The following GSG1L variants were observed in gnomAD, a reference collection of about 807,000 sequenced individuals.
The protein encoded by GSG1L is germ cell-specific gene 1-like protein.
A neutral mutation model predicts 42.1 loss-of-function variants in GSG1L; 24 were observed. The ratio of observed to expected loss-of-function variants is 0.57; its 90% CI spans 0.41 to 0.80. The LOEUF is 0.80. Among genes scored for constraint, GSG1L ranks in the 30% least tolerant of loss-of-function variants. GSG1L has a pLI of 0.00. For synonymous variants in GSG1L, 215 were observed against 203.5 expected, an observed-to-expected ratio of 1.06 and a Z score of -0.48; for missense variants, 445 against 472.2, an observed-to-expected ratio of 0.94 and a Z score of 0.53.
rs117052451 is a variant in GSG1L, at chr16:27,824,900, C to T, written c.830+3889G>A. ...GTGCTAATGGGGCAGCTTTGGACAT[C>T]TGGCTGCTTATGTGTCTATTGCAAA... On this transcript the variant is annotated intron_variant, in intron 5 of 6. Transcript: ENST00000447459. Among the ~76,000 whole-genome samples the T allele has an allele frequency of 9.1e-3, 1,392 of 152,366 alleles. 9 individuals are homozygous for T. Among genetic ancestry groups the T allele is most frequent in the Non-Finnish European group, 0.011 (776 of 68,036 alleles).
intron 2 of GSG1L, among the ~76,000 whole-genome samples, chr16:27,903,689 C>G (rs1483129694): frequency 6.6e-6 from 1 of 152,142 alleles, no homozygotes; most frequent in African/African-American, 2.4e-5. Flanking sequence ...AATGAGCCAC[C>G]AGGGACCAAA....
chr16:27,998,783 T>C (rs1349886149), intron 1 of GSG1L, among the ~76,000 whole-genome samples: 3 of 151,846 alleles, frequency 2.0e-5, no homozygotes, highest in African/African-American at 7.3e-5. Context: ...AACCTTGTTT[T>C]TAAAAAATAA....
chr16:28,004,549 A>C (rs2085618555), intron 1 of GSG1L, among the ~76,000 whole-genome samples: 1 of 151,004 alleles, frequency 6.6e-6, no homozygotes, highest in Admixed American at 6.6e-5. Flanking sequence ...CCAAGGCAGG[A>C]GGGTTGCTTG....
At chr16:27,933,040 G>A (rs1328862605) in intron 2 of GSG1L, among the ~76,000 whole-genome samples, 1 of 152,032 alleles carries the variant, frequency 6.6e-6, no homozygotes, top group African/African-American at 2.4e-5. Flanking sequence ...AGGAATAGCT[G>A]ACTAATACAC....
intron 4 of GSG1L, among the ~76,000 whole-genome samples, chr16:27,836,045 T>C (rs1479215087): frequency 6.6e-6 from 1 of 152,202 alleles, no homozygotes; most frequent in African/African-American, 2.4e-5. Flanking sequence ...CAAATGTTCT[T>C]AGTTTTTCTT....
intron 1 of GSG1L, among the ~76,000 whole-genome samples, chr16:28,010,807 G>A (rs1196957370): frequency 6.6e-6 from 1 of 152,154 alleles, no homozygotes; most frequent in African/African-American, 2.4e-5. Flanking sequence ...TGGGGAGCGT[G>A]TCATCTAGAA....
At chr16:28,032,719 G>T (rs979613167) in intron 1 of GSG1L, among the ~76,000 whole-genome samples, 2 of 152,084 alleles carry the variant, frequency 1.3e-5, no homozygotes, top group African/African-American at 4.8e-5. Context: ...CATCTCTTCA[G>T]GCCAAAAATC....
At chr16:28,034,091 A>G (rs1021570397) in intron 1 of GSG1L, among the ~76,000 whole-genome samples, 1 of 150,308 alleles carries the variant, frequency 6.7e-6, no homozygotes, top group Non-Finnish European at 1.5e-5. Flanking sequence ...TCCTGTCCCA[A>G]CCCATCCTAT....
At chr16:27,889,803 A>G (rs1172540410) in intron 2 of GSG1L, among the ~76,000 whole-genome samples, 1 of 152,116 alleles carries the variant, frequency 6.6e-6, no homozygotes, top group Non-Finnish European at 1.5e-5. Context: ...TCCTTCACCA[A>G]TGACTTTGCA....
At chr16:27,986,859 C>T (rs139771794) in intron 1 of GSG1L, among the ~76,000 whole-genome samples, 47 of 152,368 alleles carry the variant, frequency 3.1e-4, no homozygotes, top group African/African-American at 6.5e-4. Context: ...TAATGGGCTC[C>T]GCCCTGAACT....
chr16:28,061,380 G>C (rs1392443773), intron 1 of GSG1L, among the ~76,000 whole-genome samples: 1 of 152,172 alleles, frequency 6.6e-6, no homozygotes, highest in African/African-American at 2.4e-5. Context: ...GGTCTGATGG[G>C]ATGAAACCAA....
intron 1 of GSG1L, among the ~76,000 whole-genome samples, chr16:28,039,965 G>A (rs1002191891): frequency 1.3e-5 from 2 of 151,952 alleles, no homozygotes; most frequent in African/African-American, 2.4e-5. Flanking sequence ...CCCCTCCCTC[G>A]TTTTTCTCCA....
At chr16:27,812,501 C>T (rs763840319) in intron 5 of GSG1L, among the ~76,000 whole-genome samples, 2 of 152,226 alleles carry the variant, frequency 1.3e-5, no homozygotes, top group African/African-American at 4.8e-5. Context: ...TGGGTGTGGA[C>T]AGTAGCAGGT....
chr16:27,966,872 C>T (rs2085142324), intron 1 of GSG1L, among the ~76,000 whole-genome samples: 1 of 152,200 alleles, frequency 6.6e-6, no homozygotes, highest in Non-Finnish European at 1.5e-5. Context: ...GTGCTGAGCC[C>T]ACAATCCCAC....
intron 3 of GSG1L, among the ~76,000 whole-genome samples, chr16:27,874,719 A>G (rs2083866442): frequency 6.6e-6 from 1 of 151,994 alleles, no homozygotes; most frequent in Middle Eastern, 3.2e-3. Context: ...ACCCTTGCCA[A>G]CCTTGCCCTA....
At position 27,873,851 on chromosome 16, in the gene GSG1L, A is replaced by T. The variant is rs566436226; in HGVS notation, c.550+10635T>A. On this transcript the variant is annotated intron_variant, in intron 3 of 6. Coordinates refer to ENST00000447459, the MANE Select transcript of GSG1L (RefSeq NM_001109763.2). ...AAGGAGGGGTGAAATGGATGGCTAC[A>T]GAGGGGTGAAATCTGTAGCATCTAA... Among the ~76,000 whole-genome samples the T allele has an allele frequency of 3.3e-5, 5 of 152,308 alleles. No individual in the cohort carries two copies. In the South Asian group the frequency reaches 1.0e-3, roughly 32 times the overall value.
intron 1 of GSG1L, among the ~76,000 whole-genome samples, chr16:28,007,679 A>AT (rs879713035): frequency 2.2e-4 from 33 of 152,042 alleles, no homozygotes; most frequent in Non-Finnish European, 3.4e-4. Context: ...CACCCAGCTA[A>AT]TTTTTTTAAA....
chr16:27,964,454 C>G (rs1465697060), intron 1 of GSG1L, among the ~76,000 whole-genome samples: 1 of 152,138 alleles, frequency 6.6e-6, no homozygotes, highest in Admixed American at 6.5e-5. Context: ...TTGTATTTAT[C>G]AATCGTGGAT....
intron 1 of GSG1L, among the ~76,000 whole-genome samples, chr16:27,987,945 C>CA (rs56395297): frequency 0.024 from 2,210 of 92,588 alleles, 117 homozygotes; most frequent in African/African-American, 0.077. Context: ...GACTCCGTCT[C>CA]AAAAAAAAAA....
Sources: allele counts gnomAD v4.1 joint callset (sites outside exome capture counted in the v4.1 genomes callset), GRCh38; gene constraint gnomAD v4.1.1; transcripts MANE v1.5; gene names NCBI Gene and HGNC (gene_info 2026-07-23, HGNC 2026-07-21).